GLS: variants seen among roughly 807,000 people sequenced by gnomAD.
GLS encodes glutaminase.
A neutral mutation model predicts 86.7 loss-of-function variants in GLS; 36 were observed. The observed-to-expected ratio is 0.42, with a 90% CI of 0.32 to 0.55. The LOEUF is 0.55. Ranked by LOEUF, GLS falls within the 20% of genes least tolerant of loss-of-function variation. The probability of loss-of-function intolerance (pLI) is 0.17; values close to 1 mark genes in which losing one functional copy is unlikely to be tolerated. For missense variants in GLS, 528 were observed against 833.4 expected (o/e 0.63, Z 4.51); for synonymous variants, 317 against 305.9 (o/e 1.04, Z -0.38).
chr2:190,895,868 C>T lies in GLS; in HGVS notation c.605+143C>T, dbSNP rs536357952. ...TTATAAACATCATTTGTTTGAAGAA[C>T]TTGGTACATATTAGGTTCTATAATA... On this transcript the variant is annotated intron_variant, in intron 3 of 17. Coordinates refer to ENST00000320717, the MANE Select transcript of GLS (RefSeq NM_014905.5). The surrounding 1 kb of genome is among the most constrained non-coding windows in gnomAD (Gnocchi z 4.2). 1.1e-4 allele frequency: 67 copies of T among 585,210 alleles called. No individual in the cohort carries two copies. In the African/African-American group the frequency reaches 1.2e-3, roughly 10 times the overall value. The allele number at this position is 585,210 out of a possible 1,614,324, so 36.3% of individuals were successfully genotyped here. A position where few individuals can be genotyped will look rare whatever the true frequency, so the allele number is the denominator to read the frequency against.
chr2:190,947,636 C>G lies in GLS; in HGVS notation c.1651-5929C>G, dbSNP rs16833092. On this transcript the variant is annotated intron_variant, in intron 14 of 17. Coordinates refer to ENST00000320717, the MANE Select transcript of GLS (RefSeq NM_014905.5). The surrounding 1 kb of genome is among the most constrained non-coding windows in gnomAD (Gnocchi z 5.0). ...TTCTTTATAGTAAGGAATTATTTAT[C>G]AAAACATAGCTTCCATGCCTCTGGC... is the stretch of plus-strand genomic sequence containing the variant. Among the ~76,000 whole-genome samples the G allele has an allele frequency of 0.015, 2,238 of 152,242 alleles. 57 individuals are homozygous for G. The highest frequency in any genetic ancestry group is 0.05 in the African/African-American group (2,056 of 41,530).
chr2:190,919,217 A>G (rs933917011), intron 7 of GLS, among the ~76,000 whole-genome samples: 4 of 152,154 alleles, frequency 2.6e-5, no homozygotes, highest in African/African-American at 7.2e-5. Context: ...TAATCTGTCT[A>G]GAGAATGTTG....
chr2:190,891,041 T>TA (rs397789062), intron 1 of GLS, among the ~76,000 whole-genome samples: 3 of 151,750 alleles, frequency 2.0e-5, no homozygotes, highest in Admixed American at 6.6e-5. Context: ...ATTTTTTTTT[T>TA]ATTTTCTTCC....
At chr2:190,931,347 G>A (rs1574606004) in intron 13 of GLS, among the ~76,000 whole-genome samples, 198 bp from the exon 14 acceptor site, 1 of 152,238 alleles carries the variant, frequency 6.6e-6, no homozygotes, top group East Asian at 1.9e-4. Flanking sequence ...CTAGGATCAT[G>A]TTAGTAAGCA....
At position 190,881,389 on chromosome 2, in the gene GLS, C is replaced by T. The variant is rs767849917; in HGVS notation, c.305C>T (p.Ala102Val). ...PGVSPPAAPA[A>V]PGPKDGPGET... The stretch of plus-strand genomic sequence containing the variant: ...GTGTCGCCACCCGCTGCCCCGGCGG[C>T]GCCCGGCCCCAAGGACGGCCCCGGG... Residue 102 changes from alanine to valine, a missense_variant, in exon 1 of 18, where the codon GCG becomes GTG. Physicochemically the swap from Ala to Val is moderately conservative, Grantham distance 64 (BLOSUM62 0). Coordinates refer to ENST00000320717, the MANE Select transcript of GLS (RefSeq NM_014905.5). The T allele has an allele frequency of 1.2e-5, 19 of 1,540,920 alleles. No individual in the cohort carries two copies. Among genetic ancestry groups the T allele is most frequent in the Non-Finnish European group, 1.6e-5 (18 of 1,143,180 alleles).
In GLS at chr2:190,905,652, A is replaced by G. The variant is rs190056705; in HGVS notation, c.979+485A>G. The stretch of plus-strand genomic sequence containing the variant: ...TGTTTTTACTTTTTATCCTTATAAC[A>G]TTAAAAAATTTGAAAGAAATGCTTT... On this transcript the variant is annotated intron_variant, in intron 6 of 17. Transcript: ENST00000320717. This position sits in a 1 kb window ranked among gnomAD's most constrained non-coding sequence, Gnocchi z 4.6. Among the ~76,000 whole-genome samples the G allele has an allele frequency of 1.3e-5, 2 of 152,256 alleles. No homozygotes were observed. The highest frequency in any genetic ancestry group is 2.4e-5 in the African/African-American group (1 of 41,576).
Position 190,930,568 on chromosome 2 carries a change from C to T in GLS, c.1557C>T (p.His519=), listed in dbSNP as rs777031418. The T allele has an allele frequency of 2.2e-5, 36 of 1,602,308 alleles. No individual in the cohort carries two copies. Among genetic ancestry groups the T allele is most frequent in the East Asian group, 1.8e-4 (8 of 44,620 alleles). Residue 519 remains histidine (H), a splice_region_variant and synonymous_variant, in exon 13 of 18, where the codon CAC becomes CAT. Transcript: ENST00000320717. The surrounding 1 kb of genome is among the most constrained non-coding windows in gnomAD (Gnocchi z 5.0). Reference sequence around the variant, plus strand: ...GTGTTAAGGGAATTCACTTTTGTCACGTAAGCATATTTTCTTAATGTAAAT... The same window carrying T: ...GTGTTAAGGGAATTCACTTTTGTCATGTAAGCATATTTTCTTAATGTAAAT... The part of the protein sequence containing the change: ...GNSVKGIHFC[H]DLVSLCNFHN...
intron 3 of GLS, chr2:190,896,519 A>G (rs760386575): frequency 2.6e-5 from 4 of 152,168 alleles, no homozygotes; most frequent in Non-Finnish European, 5.9e-5. Flanking sequence ...TTCTGCATCT[A>G]CTTTGAAAGT....
intron 14 of GLS, among the ~76,000 whole-genome samples, chr2:190,952,430 C>T (rs570532419): frequency 2.0e-5 from 3 of 152,304 alleles, no homozygotes; most frequent in Admixed American, 2.0e-4. Context: ...TATACAAACA[C>T]AGGATCCTTA....
At chr2:190,909,233 G>GTA (rs972589344) in intron 6 of GLS, among the ~76,000 whole-genome samples, 2 of 151,820 alleles carry the variant, frequency 1.3e-5, no homozygotes, top group African/African-American at 4.8e-5. Context: ...TGTGTATATG[G>GTA]TATACAACAT....
intron 3 of GLS, among the ~76,000 whole-genome samples, chr2:190,898,451 A>C (rs1688824166): frequency 1.3e-5 from 2 of 152,156 alleles, no homozygotes; most frequent in Non-Finnish European, 2.9e-5. Flanking sequence ...AATAACTCCC[A>C]AGAAAAACCT....
rs1326751277 is a variant in GLS, at chr2:190,943,458, C to T, written c.1651-10107C>T. On this transcript the variant is annotated intron_variant, in intron 14 of 17. Transcript: ENST00000320717. This position sits in a 1 kb window ranked among gnomAD's most constrained non-coding sequence, Gnocchi z 4.5. The stretch of plus-strand genomic sequence containing the variant: ...GAGGCTTCCACTAGGGAAAGGTGGC[C>T]AGAGAAGAGAAAATCCAGCATAGTG... Among the ~76,000 whole-genome samples, 1 of 151,910 alleles carries T rather than the reference C, an allele frequency of 6.6e-6. No homozygotes were observed. Among genetic ancestry groups the T allele is most frequent in the Non-Finnish European group, 1.5e-5 (1 of 67,952 alleles).
At chr2:190,886,965 T>G (rs1688404618) in intron 1 of GLS, among the ~76,000 whole-genome samples, 1 of 151,900 alleles carries the variant, frequency 6.6e-6, no homozygotes, top group African/African-American at 2.4e-5. Context: ...TACTACTTCC[T>G]TCTTGTGATA....
At chr2:190,926,886 T>C (rs1689913195) in intron 11 of GLS, 1 of 154,148 alleles carries the variant, frequency 6.5e-6, no homozygotes, top group African/African-American at 2.4e-5. Flanking sequence ...TGATTTCTCA[T>C]GTAGACACTA....
Position 190,895,370 on chromosome 2 carries a change from C to A in GLS, c.483+122C>A. ...GTAGATTCTGACTGACAATATTTCT[C>A]TTATTATGTTTTCAAATTTTTGTCA... On this transcript the variant is annotated intron_variant, in intron 2 of 17. Coordinates refer to ENST00000320717, the MANE Select transcript of GLS (RefSeq NM_014905.5). This position sits in a 1 kb window ranked among gnomAD's most constrained non-coding sequence, Gnocchi z 4.2. 1 of 541,924 alleles carries A rather than the reference C, an allele frequency of 1.8e-6. No homozygotes were observed. The highest frequency in any genetic ancestry group is 3.6e-5 in the South Asian group (1 of 27,962). 33.6% of individuals were successfully genotyped at this position (541,924 alleles called of 1,614,324 possible).
intron 1 of GLS, among the ~76,000 whole-genome samples, chr2:190,887,851 G>C (rs976375133): frequency 2.0e-5 from 3 of 152,120 alleles, no homozygotes; most frequent in Non-Finnish European, 4.4e-5. Flanking sequence ...CTCTTATTTA[G>C]TCATTTAAAA....
At chr2:190,926,947 T>C (rs2124907625) in intron 11 of GLS, 1 of 162,080 alleles carries the variant, frequency 6.2e-6, no homozygotes. Context: ...CATGGCTCTT[T>C]TTTTTTCTGT....
chr2:190,963,917 G>A lies in GLS; in HGVS notation c.*931G>A, dbSNP rs1430560545. The A allele has an allele frequency of 6.6e-6, 1 of 151,052 alleles. No homozygotes were observed. Among genetic ancestry groups the A allele is most frequent in the Admixed American group, 6.6e-5 (1 of 15,182 alleles). The allele number at this position is 151,052 out of a possible 1,614,324, so 9.4% of individuals were successfully genotyped here. A position where few individuals can be genotyped will look rare whatever the true frequency, so the allele number is the denominator to read the frequency against. On this transcript the variant is annotated 3_prime_UTR_variant, in exon 18 of 18. Transcript: ENST00000320717. Reference sequence around the variant, plus strand: ...CTCTTTAAGAAGTTTTTTTTTTTTAGCTTCTAGGGTAAAGATAAATTCAGA... The same window carrying A: ...CTCTTTAAGAAGTTTTTTTTTTTTAACTTCTAGGGTAAAGATAAATTCAGA...
intron 1 of GLS, among the ~76,000 whole-genome samples, chr2:190,894,877 G>A (rs755835584): frequency 2.6e-5 from 4 of 152,140 alleles, no homozygotes; most frequent in Admixed American, 6.6e-5. Flanking sequence ...TCACCATAAC[G>A]GATGGCTGGG....
Sources: gnomAD v4.1 joint callset for allele counts (sites outside exome capture counted in the v4.1 genomes callset) on GRCh38, gnomAD v4.1.1 for gene constraint, Gnocchi (gnomAD v3.1) non-coding constraint, MANE v1.5 for transcripts, NCBI Gene and HGNC (gene_info 2026-07-23, HGNC 2026-07-21) for gene names.